MAGI2: variants seen among roughly 807,000 people sequenced by gnomAD.
MAGI2 encodes the protein membrane-associated guanylate kinase, WW and PDZ domain-containing protein 2.
Under a neutral mutation model 133.3 loss-of-function variants are expected in MAGI2, and 35 were observed. The observed-to-expected ratio is 0.26, with a 90% confidence interval of 0.20 to 0.35. The LOEUF is 0.35. Among genes scored for constraint, MAGI2 ranks in the 10% least tolerant of loss-of-function variants. The pLI is 1.00. For missense variants in MAGI2, 1,636 were observed against 1,863.4 expected (o/e 0.88, Z 2.25); for synonymous variants, 729 against 710.6 (o/e 1.03, Z -0.41).
chr7:78,885,656 T>TGTGTGTGTG, intron 2 of MAGI2, among the ~76,000 whole-genome samples: 1 of 152,098 alleles, frequency 6.6e-6, no homozygotes, highest in African/African-American at 2.4e-5. Context: ...TGTGTGTGTA[T>TGTGTGTGTG]TTTATATAAA....
intron 2 of MAGI2, among the ~76,000 whole-genome samples, chr7:78,804,388 AT>A (rs1202472496): frequency 3.3e-5 from 5 of 152,110 alleles, no homozygotes; most frequent in Admixed American, 2.6e-4. Context: ...TTCTAACTGT[AT>A]TTATAGAAGA....
At chr7:79,315,241 C>T (rs537430978) in intron 1 of MAGI2, among the ~76,000 whole-genome samples, 2 of 150,468 alleles carry the variant, frequency 1.3e-5, no homozygotes, top group African/African-American at 2.4e-5. Context: ...TCACTGCAAC[C>T]TACACCTCTT....
chr7:79,151,769 G>A (rs748922968), intron 1 of MAGI2, among the ~76,000 whole-genome samples: 9 of 152,158 alleles, frequency 5.9e-5, no homozygotes, highest in Non-Finnish European at 8.8e-5. Flanking sequence ...TTTGTGGAGA[G>A]ACAAGTCTAT....
At chr7:78,175,916 G>C (rs1337290430) in intron 14 of MAGI2, among the ~76,000 whole-genome samples, 3 of 152,202 alleles carry the variant, frequency 2.0e-5, no homozygotes, top group African/African-American at 2.4e-5. Flanking sequence ...AGGAAGCCAA[G>C]CTGTATAAAT....
intron 2 of MAGI2, among the ~76,000 whole-genome samples, chr7:78,829,576 C>T (rs538373993): frequency 6.6e-6 from 1 of 152,130 alleles, no homozygotes; most frequent in South Asian, 2.1e-4. Flanking sequence ...ATCCCTGACA[C>T]TTATCAAAAA....
At chr7:78,075,610 T>G (rs533569480) in intron 21 of MAGI2, among the ~76,000 whole-genome samples, 1 of 152,232 alleles carries the variant, frequency 6.6e-6, no homozygotes, top group South Asian at 2.1e-4. Context: ...TCTCCTGACC[T>G]CGTGATCTGC....
intron 9 of MAGI2, among the ~76,000 whole-genome samples, chr7:78,263,681 A>C (rs1441731703): frequency 6.6e-6 from 1 of 152,182 alleles, no homozygotes; most frequent in Admixed American, 6.6e-5. Flanking sequence ...GCTGCAAAGC[A>C]CTAGATACTG....
chr7:78,271,747 T>C (rs1794601097), intron 9 of MAGI2, among the ~76,000 whole-genome samples: 2 of 152,224 alleles, frequency 1.3e-5, no homozygotes, highest in Non-Finnish European at 2.9e-5. Context: ...TGTGTAGAGG[T>C]GTTTATACTA....
intron 2 of MAGI2, among the ~76,000 whole-genome samples, chr7:79,002,573 G>A (rs766974300): frequency 2.0e-5 from 3 of 151,852 alleles, no homozygotes; most frequent in African/African-American, 4.8e-5. Context: ...AGAATAGTAC[G>A]ATAGTAGGAT....
At chr7:78,615,513 C>G (rs900885680) in intron 3 of MAGI2, 3 of 152,180 alleles carry the variant, frequency 2.0e-5, no homozygotes, top group Non-Finnish European at 2.9e-5. Context: ...TCCTGGGGGA[C>G]CTGGCATGGA....
intron 1 of MAGI2, among the ~76,000 whole-genome samples, chr7:79,101,501 G>C (rs920254399): frequency 3.9e-5 from 6 of 152,180 alleles, no homozygotes; most frequent in African/African-American, 1.4e-4. Flanking sequence ...GAGGTGGGCG[G>C]ATCACGAGGT....
At chr7:78,134,837 A>C (rs1821939845) in intron 17 of MAGI2, 184 bp downstream of exon 17, 1 of 576,754 alleles carries the variant, frequency 1.7e-6, no homozygotes, top group African/African-American at 1.9e-5. Context: ...TGAGTAAACA[A>C]GATATGGATT....
chr7:78,383,208 T>C (rs985833687), intron 6 of MAGI2, among the ~76,000 whole-genome samples: 1 of 152,112 alleles, frequency 6.6e-6, no homozygotes, highest in African/African-American at 2.4e-5. Context: ...ATAGTGGCTG[T>C]ATTGAATTAC....
At chr7:79,438,865 A>T (rs1848317048) in intron 1 of MAGI2, among the ~76,000 whole-genome samples, 1 of 152,120 alleles carries the variant, frequency 6.6e-6, no homozygotes, top group Non-Finnish European at 1.5e-5. Flanking sequence ...CAAAAAACAG[A>T]AAACCACTTT....
intron 21 of MAGI2, among the ~76,000 whole-genome samples, chr7:78,046,603 G>A (rs902002278): frequency 5.3e-5 from 8 of 152,110 alleles, no homozygotes; most frequent in African/African-American, 1.7e-4. Flanking sequence ...CTCTGACAAG[G>A]TGAGATATGG....
chr7:78,491,382 A>G (rs78612372), intron 5 of MAGI2, among the ~76,000 whole-genome samples: 16 of 151,978 alleles, frequency 1.1e-4, no homozygotes, highest in East Asian at 1.9e-4. Context: ...TGACATAACG[A>G]CCCTTGGGTC....
At chr7:79,063,227 GTGTGAC>G (rs1379884458) in intron 1 of MAGI2, among the ~76,000 whole-genome samples, 1 of 152,004 alleles carries the variant, frequency 6.6e-6, no homozygotes, top group Non-Finnish European at 1.5e-5. Flanking sequence ...TCCAACAAAT[GTGTGAC>G]TGGGTTTATG....
chr7:78,585,050 T>G (rs148814551), intron 3 of MAGI2, among the ~76,000 whole-genome samples: 2,446 of 152,266 alleles, frequency 0.016, 69 homozygotes, highest in African/African-American at 0.053. Context: ...CTCAGGATAC[T>G]ATTTTCACAT....
At chr7:78,610,104 T>A (rs1806275653) in intron 3 of MAGI2, among the ~76,000 whole-genome samples, 1 of 152,140 alleles carries the variant, frequency 6.6e-6, no homozygotes, top group Non-Finnish European at 1.5e-5. Context: ...GATCTGTGAA[T>A]CTTGGCTATG....
Sources: allele counts gnomAD v4.1 joint callset (sites outside exome capture counted in the v4.1 genomes callset), GRCh38; gene constraint gnomAD v4.1.1; transcripts MANE v1.5; gene names NCBI Gene and HGNC (gene_info 2026-07-23, HGNC 2026-07-21).